The following NPY2R variants were observed in gnomAD, a reference collection of about 807,000 sequenced individuals.
The protein encoded by NPY2R is neuropeptide Y receptor Y2, also known as neuropeptide Y receptor type 2.
A neutral mutation model predicts 22.3 loss-of-function variants in NPY2R; 17 were observed. The ratio of observed to expected loss-of-function variants is 0.76; its 90% CI spans 0.52 to 1.14. The LOEUF (loss-of-function observed/expected upper bound fraction) is 1.14, where lower values mean the gene tolerates loss of function less well. NPY2R is among the 50% of genes most tolerant of loss of function. The probability of loss-of-function intolerance (pLI) is 0.00; values close to 1 mark genes in which losing one functional copy is unlikely to be tolerated. For synonymous variants in NPY2R, 209 were observed against 183.4 expected (o/e 1.14, Z -1.13); for missense variants, 424 against 467.9 (o/e 0.91, Z 0.87).
At chr4:155,178,859 C>G in the NPY2R span, among the ~76,000 whole-genome samples, 2 of 152,272 alleles carry the variant, frequency 1.3e-5, no homozygotes, top group South Asian at 2.1e-4. Context: ...TGCTGTTTCT[C>G]CCCTTCCTCC....
chr4:155,187,621 T>C, the NPY2R span, among the ~76,000 whole-genome samples: 1 of 152,124 alleles, frequency 6.6e-6, no homozygotes, highest in Non-Finnish European at 1.5e-5. Context: ...TGAATTCACT[T>C]GGACATCTTG....
the NPY2R span, among the ~76,000 whole-genome samples, chr4:155,174,480 ATATATTTTT>A: frequency 5.6e-5 from 5 of 88,708 alleles, no homozygotes; most frequent in South Asian, 1.2e-3. Flanking sequence ...ATATATATAT[ATATATTTTT>A]TTTTTTAAAT....
chr4:155,212,091 C>T (rs1411244377), intron 1 of NPY2R, among the ~76,000 whole-genome samples: 1 of 152,110 alleles, frequency 6.6e-6, no homozygotes, highest in Non-Finnish European at 1.5e-5. Context: ...AGCTGGGGGG[C>T]ACATAGGCCC....
chr4:155,213,231 T>C (rs1170970895), intron 1 of NPY2R, among the ~76,000 whole-genome samples: 1 of 152,166 alleles, frequency 6.6e-6, no homozygotes, highest in African/African-American at 2.4e-5. Flanking sequence ...TTTACTACCA[T>C]ACAATCCATC....
the NPY2R span, among the ~76,000 whole-genome samples, chr4:155,177,575 A>T: frequency 6.6e-6 from 1 of 152,044 alleles, no homozygotes; most frequent in African/African-American, 2.4e-5. Flanking sequence ...CTGGTGGCTC[A>T]ATAGTTCTGG....
chr4:155,179,297 T>A, the NPY2R span, among the ~76,000 whole-genome samples: 3 of 152,200 alleles, frequency 2.0e-5, no homozygotes, highest in Non-Finnish European at 4.4e-5. Context: ...TCATTGTATG[T>A]CTACTTATTT....
At chr4:155,175,670 A>T in the NPY2R span, among the ~76,000 whole-genome samples, 247 of 152,334 alleles carry the variant, frequency 1.6e-3, 1 homozygote, top group African/African-American at 5.7e-3. Flanking sequence ...TCAAACAAAA[A>T]TGACAAGATA....
the NPY2R span, among the ~76,000 whole-genome samples, chr4:155,193,580 C>T: frequency 4.6e-5 from 7 of 151,866 alleles, no homozygotes; most frequent in African/African-American, 1.7e-4. Context: ...GAGGAGATGA[C>T]AGCAAGAAGG....
the NPY2R span, among the ~76,000 whole-genome samples, chr4:155,186,581 AT>A: frequency 6.6e-5 from 10 of 152,252 alleles, no homozygotes; most frequent in East Asian, 1.7e-3. Flanking sequence ...ACGCTTGCTA[AT>A]TTTTTGTGTG....
chr4:155,207,024 A>G (rs527471598), upstream of NPY2R: 1 of 152,358 alleles, frequency 6.6e-6, no homozygotes, highest in South Asian at 2.1e-4. Context: ...CTTTAAGTGG[A>G]ACTGTGTAGA....
At chr4:155,174,772 C>T in the NPY2R span, among the ~76,000 whole-genome samples, 2 of 151,634 alleles carry the variant, frequency 1.3e-5, no homozygotes, top group African/African-American at 2.4e-5. Flanking sequence ...TTGGAGAGTT[C>T]AGGAAAGAAA....
At chr4:155,174,847 C>A in the NPY2R span, among the ~76,000 whole-genome samples, 3 of 151,948 alleles carry the variant, frequency 2.0e-5, no homozygotes, top group Non-Finnish European at 4.4e-5. Flanking sequence ...CTTCTGATAA[C>A]ATGAAAATTA....
At chr4:155,193,788 G>C in the NPY2R span, among the ~76,000 whole-genome samples, 1 of 151,890 alleles carries the variant, frequency 6.6e-6, no homozygotes, top group Non-Finnish European at 1.5e-5. Context: ...AACATTTATT[G>C]ACATCTGTGT....
At chr4:155,178,291 A>G in the NPY2R span, among the ~76,000 whole-genome samples, 1 of 152,186 alleles carries the variant, frequency 6.6e-6, no homozygotes, top group African/African-American at 2.4e-5. Context: ...CAGTACCCAA[A>G]AAGTGTGGGT....
At chr4:155,194,755 C>G in the NPY2R span, among the ~76,000 whole-genome samples, 1 of 151,866 alleles carries the variant, frequency 6.6e-6, no homozygotes, top group African/African-American at 2.4e-5. Context: ...GAGTGTATAC[C>G]TGGTAATGAG....
chr4:155,204,121 C>T (rs1729238096), upstream of NPY2R, among the ~76,000 whole-genome samples: 1 of 151,630 alleles, frequency 6.6e-6, no homozygotes, highest in Admixed American at 6.6e-5. Flanking sequence ...CCACTTTGTT[C>T]TGTCTGTGGC....
intron 1 of NPY2R, 122 bp from the exon 2 acceptor site, chr4:155,213,770 T>C: frequency 4.7e-6 from 3 of 644,414 alleles, no homozygotes; most frequent in East Asian, 2.7e-5. Context: ...AGAGGATATT[T>C]TGATCCCTAA....
At chr4:155,213,426 T>G (rs916136414) in intron 1 of NPY2R, among the ~76,000 whole-genome samples, 1 of 152,180 alleles carries the variant, frequency 6.6e-6, no homozygotes, top group Admixed American at 6.5e-5. Context: ...TTTTAATATG[T>G]TCCCCTTTCT....
the NPY2R span, among the ~76,000 whole-genome samples, chr4:155,197,425 A>G: frequency 6.6e-6 from 1 of 151,496 alleles, no homozygotes; most frequent in African/African-American, 2.4e-5. Flanking sequence ...CCCCTCTCCC[A>G]CTTCTTCCTT....
Sources: allele counts gnomAD v4.1 joint callset (sites outside exome capture counted in the v4.1 genomes callset), GRCh38; gene constraint gnomAD v4.1.1; transcripts MANE v1.5; gene names NCBI Gene and HGNC (gene_info 2026-07-23, HGNC 2026-07-21).